Variants in DCAF17 observed in about 807,000 individuals in gnomAD.
The protein encoded by DCAF17 is DDB1- and CUL4-associated factor 17.
DCAF17 carries 48 observed loss-of-function variants against 66.0 expected under a neutral mutation model. The observed-to-expected ratio is 0.73, with a 90% confidence interval of 0.58 to 0.92. The LOEUF is 0.92. Ranked by LOEUF, DCAF17 falls within the 40% of genes least tolerant of loss-of-function variation. The probability of loss-of-function intolerance (pLI) is 0.00; values close to 1 mark genes in which losing one functional copy is unlikely to be tolerated. For synonymous variants in DCAF17, 206 were observed against 214.6 expected (o/e 0.96, Z 0.35); for missense variants, 562 against 622.8 (o/e 0.90, Z 1.04).
chr2:171,450,500 T>C (rs1010885656), intron 5 of DCAF17, among the ~76,000 whole-genome samples: 4 of 152,166 alleles, frequency 2.6e-5, no homozygotes, highest in Non-Finnish European at 5.9e-5. Context: ...TTTACTAGAT[T>C]TTATAAAGTC....
intron 2 of DCAF17, among the ~76,000 whole-genome samples, chr2:171,442,864 G>A (rs573085776): frequency 1.6e-4 from 25 of 151,770 alleles, no homozygotes; most frequent in Non-Finnish European, 3.4e-4. Flanking sequence ...TGGAGTGTGA[G>A]AAACTGTCTC....
chr2:171,465,266 T>C (rs539926325), intron 8 of DCAF17, among the ~76,000 whole-genome samples: 2 of 152,058 alleles, frequency 1.3e-5, no homozygotes, highest in East Asian at 1.9e-4. Context: ...TTCTCCTTAG[T>C]GTACAGCCCA....
chr2:171,457,977 G>C lies in DCAF17; in HGVS notation c.634G>C (p.Gly212Arg). Residue 212 changes from glycine (G) to arginine (R), a missense_variant, in exon 7 of 14, where the codon GGG becomes CGG. This residue lies in a region of DCAF17 where 348 missense variants were observed against 355.9 expected (regional missense o/e 0.98). Transcript: ENST00000375255. ...CTGTCTTTCCCCCCGCCAGATTTTT[G>C]GGAACGTTACAGATGCTACCTTGTC... The part of the protein sequence containing the change: ...GILEINKKIF[G>R]NVTDATLSHG... 1 of 1,613,806 alleles carries C rather than the reference G, an allele frequency of 6.2e-7. No homozygotes were observed. The highest frequency in any genetic ancestry group is 8.5e-7 in the Non-Finnish European group (1 of 1,179,780).
At chr2:171,475,284 CTG>C (rs1696444942) in intron 10 of DCAF17, among the ~76,000 whole-genome samples, 1 of 152,198 alleles carries the variant, frequency 6.6e-6, no homozygotes, top group Non-Finnish European at 1.5e-5. Context: ...ATTGCACCCA[CTG>C]TGTCGTCTTC....
intron 2 of DCAF17, among the ~76,000 whole-genome samples, chr2:171,440,922 A>ACC (rs1218880644): frequency 2.0e-5 from 3 of 152,196 alleles, no homozygotes; most frequent in African/African-American, 7.2e-5. Context: ...ATGAGGACAG[A>ACC]CGGGTGGCAC....
At chr2:171,471,229 T>G (rs1696227070) in intron 9 of DCAF17, among the ~76,000 whole-genome samples, 2 of 152,242 alleles carry the variant, frequency 1.3e-5, no homozygotes, top group Non-Finnish European at 2.9e-5. Flanking sequence ...ATTGCTTTAA[T>G]GATTTGTATG....
intron 8 of DCAF17, among the ~76,000 whole-genome samples, chr2:171,468,365 A>G (rs1417256228): frequency 6.6e-6 from 1 of 152,132 alleles, no homozygotes; most frequent in African/African-American, 2.4e-5. Context: ...ATTCATTGGG[A>G]CTAATACTCC....
chr2:171,451,166 A>G (rs930670160), intron 5 of DCAF17, among the ~76,000 whole-genome samples: 1 of 150,868 alleles, frequency 6.6e-6, no homozygotes, highest in Non-Finnish European at 1.5e-5. Flanking sequence ...TCTGCTTTTC[A>G]TTCCTCCCTC....
At chr2:171,470,372 C>T (rs1222582092) in intron 9 of DCAF17, among the ~76,000 whole-genome samples, 3 of 152,128 alleles carry the variant, frequency 2.0e-5, no homozygotes, top group African/African-American at 7.2e-5. Flanking sequence ...TTTAGAGTCA[C>T]AGATCACCTT....
chr2:171,451,759 A>G (rs62183497), intron 5 of DCAF17, among the ~76,000 whole-genome samples: 30,706 of 152,018 alleles, frequency 0.2, 3,245 homozygotes, highest in South Asian at 0.28. Flanking sequence ...TATTTTTACT[A>G]GAGACGGGGT....
chr2:171,437,976 C>T (rs890716830), intron 2 of DCAF17, among the ~76,000 whole-genome samples: 1 of 152,190 alleles, frequency 6.6e-6, no homozygotes, highest in Non-Finnish European at 1.5e-5. Flanking sequence ...AGTCTTTCTC[C>T]TTTTCTGCAT....
At chr2:171,467,703 C>T (rs2105792435) in intron 8 of DCAF17, among the ~76,000 whole-genome samples, 1 of 137,312 alleles carries the variant, frequency 7.3e-6, no homozygotes, top group East Asian at 2.1e-4. Flanking sequence ...GCACTCCAGC[C>T]TAGGTGACAG....
intron 9 of DCAF17, among the ~76,000 whole-genome samples, chr2:171,469,511 G>A (rs1312368643): frequency 6.6e-6 from 1 of 152,174 alleles, no homozygotes; most frequent in East Asian, 1.9e-4. Flanking sequence ...TTATGGCAGA[G>A]TAGGTAGAAA....
intron 12 of DCAF17, 167 bp from the exon 13 acceptor site, chr2:171,479,871 C>T (rs1406740655): frequency 1.4e-6 from 1 of 709,300 alleles, no homozygotes; most frequent in Non-Finnish European, 2.3e-6. Flanking sequence ...TGATGTTTTA[C>T]TAGGCATATA....
At chr2:171,467,967 C>G (rs1205371383) in intron 8 of DCAF17, among the ~76,000 whole-genome samples, 3 of 151,956 alleles carry the variant, frequency 2.0e-5, no homozygotes, top group Admixed American at 6.6e-5. Flanking sequence ...ATAGTAGTGG[C>G]CTCATAAACT....
At chr2:171,480,795 G>T (rs1696707614) in intron 13 of DCAF17, among the ~76,000 whole-genome samples, 179 bp from the exon 14 acceptor site, 1 of 152,116 alleles carries the variant, frequency 6.6e-6, no homozygotes, top group Non-Finnish European at 1.5e-5. Context: ...TTTGTAGAAT[G>T]CCTTTTTTGT....
At chr2:171,468,800 CA>C in intron 8 of DCAF17, 87 bp from the exon 9 acceptor site, 1 of 1,498,516 alleles carries the variant, frequency 6.7e-7, no homozygotes, top group Non-Finnish European at 9.3e-7. Context: ...ATAGATGTTG[CA>C]TGCAAAGAAA....
intron 9 of DCAF17, chr2:171,472,903 G>A: frequency 3.0e-6 from 1 of 336,878 alleles, no homozygotes. Context: ...TGTAAAGCCA[G>A]TGAAGTTAAT....
At chr2:171,444,992 G>A (rs1418850724) in intron 3 of DCAF17, among the ~76,000 whole-genome samples, 2 of 152,104 alleles carry the variant, frequency 1.3e-5, no homozygotes, top group African/African-American at 4.8e-5. Flanking sequence ...AGTAACTGTT[G>A]TGCCTTTAGC....
Sources: allele counts gnomAD v4.1 joint callset (sites outside exome capture counted in the v4.1 genomes callset), GRCh38; gene constraint gnomAD v4.1.1; regional missense constraint gnomAD v4.1.1; transcripts MANE v1.5; gene names NCBI Gene and HGNC (gene_info 2026-07-23, HGNC 2026-07-21).